The following PRKG2 variants were observed in gnomAD, a reference collection of about 807,000 sequenced individuals.
The protein encoded by PRKG2 is cGMP-dependent protein kinase 2.
Under a neutral mutation model 97.2 loss-of-function variants are expected in PRKG2, and 33 were observed. The ratio of observed to expected loss-of-function variants is 0.34; its 90% CI spans 0.26 to 0.45. PRKG2 has a LOEUF of 0.45. Among genes scored for constraint, PRKG2 ranks in the 20% least tolerant of loss-of-function variants. PRKG2 has a pLI of 1.00. For synonymous variants in PRKG2, 330 were observed against 321.8 expected, an observed-to-expected ratio of 1.03 and a Z score of -0.27; for missense variants, 638 against 900.0, an observed-to-expected ratio of 0.71 and a Z score of 3.73.
intron 6 of PRKG2, among the ~76,000 whole-genome samples, chr4:81,159,920 G>A (rs914026893): frequency 6.9e-6 from 1 of 144,110 alleles, no homozygotes; most frequent in Non-Finnish European, 1.5e-5. Flanking sequence ...GAGAACACAT[G>A]GACACAGGAA....
chr4:81,209,239 G>A (rs1753842496), intron 1 of PRKG2, among the ~76,000 whole-genome samples: 1 of 152,346 alleles, frequency 6.6e-6, no homozygotes, highest in Non-Finnish European at 1.5e-5. Context: ...GGCAGTCAAT[G>A]TGGGAGGAAT....
At chr4:81,214,049 T>C (rs1304197117) in intron 1 of PRKG2, among the ~76,000 whole-genome samples, 2 of 151,732 alleles carry the variant, frequency 1.3e-5, no homozygotes, top group Non-Finnish European at 2.9e-5. Flanking sequence ...GATCGCCTTC[T>C]TCATGAGTTA....
At chr4:81,162,359 A>G (rs1461405208) in intron 6 of PRKG2, among the ~76,000 whole-genome samples, 1 of 152,134 alleles carries the variant, frequency 6.6e-6, no homozygotes, top group Non-Finnish European at 1.5e-5. Flanking sequence ...ACTTTTATCT[A>G]AAATAATCTG....
intron 2 of PRKG2, among the ~76,000 whole-genome samples, chr4:81,202,914 T>C (rs1753407726): frequency 6.6e-6 from 1 of 152,064 alleles, no homozygotes; most frequent in Non-Finnish European, 1.5e-5. Flanking sequence ...GTGTCATATA[T>C]AGGGAGAAGG....
intron 2 of PRKG2, among the ~76,000 whole-genome samples, chr4:81,182,854 T>C (rs1751538274): frequency 6.6e-6 from 1 of 152,020 alleles, no homozygotes; most frequent in Non-Finnish European, 1.5e-5. Context: ...CACAGAAGAA[T>C]ACAAAATATT....
At chr4:81,135,007 C>A in intron 14 of PRKG2, 148 bp downstream of exon 14, 1 of 656,680 alleles carries the variant, frequency 1.5e-6, no homozygotes. Flanking sequence ...TAACATTGCT[C>A]CCAGTATTGT....
chr4:81,195,831 GATGTACAAGATTTTTT>G (rs1177717966), intron 2 of PRKG2, among the ~76,000 whole-genome samples: 1 of 152,140 alleles, frequency 6.6e-6, no homozygotes, highest in African/African-American at 2.4e-5. Context: ...TATAAGCATG[GATGTACAAGATTTTTT>G]ATGCATGGCT....
intron 17 of PRKG2, among the ~76,000 whole-genome samples, chr4:81,097,658 G>A (rs570664451): frequency 2.0e-4 from 30 of 152,178 alleles, no homozygotes; most frequent in Non-Finnish European, 3.1e-4. Flanking sequence ...ACTTTCATCA[G>A]TGATCTTAGC....
At chr4:81,156,445 C>T (rs1402510907) in intron 6 of PRKG2, among the ~76,000 whole-genome samples, 1 of 152,126 alleles carries the variant, frequency 6.6e-6, no homozygotes, top group Non-Finnish European at 1.5e-5. Flanking sequence ...CCTGAATGAC[C>T]TGCAAAGAGA....
intron 2 of PRKG2, among the ~76,000 whole-genome samples, chr4:81,186,376 G>A (rs2110104264): frequency 6.6e-6 from 1 of 152,082 alleles, no homozygotes; most frequent in Admixed American, 6.5e-5. Context: ...ATGACTACTG[G>A]GTAAATAACA....
chr4:81,216,849 A>G (rs1754287910), upstream of PRKG2, among the ~76,000 whole-genome samples: 1 of 150,940 alleles, frequency 6.6e-6, no homozygotes, highest in Non-Finnish European at 1.5e-5. Context: ...TGTTGCTGCA[A>G]AAGATATGAT....
At chr4:81,091,351 C>T (rs56347774) in intron 18 of PRKG2, among the ~76,000 whole-genome samples, 4,257 of 152,050 alleles carry the variant, frequency 0.028, 221 homozygotes, top group African/African-American at 0.097. Context: ...GGCGTGATCT[C>T]GGCTCACTGC....
intron 14 of PRKG2, among the ~76,000 whole-genome samples, chr4:81,128,267 A>G (rs1745807661): frequency 6.6e-6 from 1 of 152,168 alleles, no homozygotes; most frequent in Non-Finnish European, 1.5e-5. Context: ...ATCGATGTTC[A>G]TCAGGGATAT....
Position 81,153,669 on chromosome 4 carries a change from G to T in PRKG2, c.965C>A (p.Thr322Asn). ...CTTTCCTTTTGCCAAAATGAAAAAG[G>T]TACTTCCTTCCTCGCCCTCTCTAAT... Reference protein sequence around the residue: ...YIIREGEEGSTFFILAKGKVK... With the variant: ...YIIREGEEGSNFFILAKGKVK... Residue 322 changes from threonine to asparagine, a missense_variant, in exon 7 of 19, where the codon ACC becomes AAC. Physicochemically the swap from Thr to Asn is moderately conservative, Grantham distance 65. Around this residue, in one of 3 missense-constraint regions of PRKG2, gnomAD observed 332 missense variants for 421.7 expected, o/e 0.79. Coordinates refer to ENST00000264399, the MANE Select transcript of PRKG2 (RefSeq NM_006259.3). 1.2e-6 allele frequency: 2 copies of T among 1,601,780 alleles called. No homozygotes were observed. The highest frequency in any genetic ancestry group is 1.1e-5 in the South Asian group (1 of 90,754).
intron 1 of PRKG2, among the ~76,000 whole-genome samples, chr4:81,214,263 C>T (rs1754158719): frequency 1.3e-5 from 2 of 151,996 alleles, no homozygotes; most frequent in East Asian, 1.9e-4. Context: ...CGTCACCCTT[C>T]CTACCTACTA....
chr4:81,206,822 G>A (rs1484623976), intron 1 of PRKG2, among the ~76,000 whole-genome samples: 2 of 152,204 alleles, frequency 1.3e-5, no homozygotes, highest in South Asian at 2.1e-4. Flanking sequence ...ACAGCATCTA[G>A]ATTTCAAACA....
chr4:81,179,430 T>C (rs991720285), intron 2 of PRKG2, among the ~76,000 whole-genome samples: 11 of 152,166 alleles, frequency 7.2e-5, no homozygotes, highest in Admixed American at 2.0e-4. Context: ...CTTTACCCAG[T>C]GAAAATCACC....
rs950468047 is a variant in PRKG2 at position 81,104,265 on chromosome 4, A to G, written c.2126+105T>C. ...GCAAAGCACTATAAAGAAAAATTTG[A>G]AAGTCTGGAAAGGGACCTTTGTGGC... On this transcript the variant is annotated intron_variant, in intron 17 of 18. Transcript: ENST00000264399. 13 of 663,822 alleles carry G rather than the reference A, an allele frequency of 2.0e-5. No individual in the cohort carries two copies. The African/African-American group carries it at 2.0e-4, about 10-fold the overall frequency. 41.1% of individuals were successfully genotyped at this position (663,822 alleles called of 1,614,324 possible).
At chr4:81,193,102 T>C (rs1038930812) in intron 2 of PRKG2, 3 of 152,300 alleles carry the variant, frequency 2.0e-5, no homozygotes, top group Non-Finnish European at 4.4e-5. Context: ...TAAGGCTCAG[T>C]GCAAAGCTGG....
Sources: gnomAD v4.1 joint callset for allele counts (sites outside exome capture counted in the v4.1 genomes callset) on GRCh38, gnomAD v4.1.1 for gene constraint, gnomAD v4.1.1 regional missense constraint, MANE v1.5 for transcripts, NCBI Gene and HGNC (gene_info 2026-07-23, HGNC 2026-07-21) for gene names.